KLHL29: variants seen among roughly 807,000 people sequenced by gnomAD.
KLHL29 encodes the protein kelch like family member 29.
A neutral mutation model predicts 80.4 loss-of-function variants in KLHL29; 21 were observed. The observed-to-expected ratio is 0.26, with a 90% CI of 0.19 to 0.38. The LOEUF (loss-of-function observed/expected upper bound fraction) is 0.38, where lower values mean the gene tolerates loss of function less well. Among genes scored for constraint, KLHL29 ranks in the 10% least tolerant of loss-of-function variants. The pLI is 1.00. For synonymous variants in KLHL29, 511 were observed against 526.8 expected (o/e 0.97, Z 0.41); for missense variants, 867 against 1,223.9 (o/e 0.71, Z 4.35).
chr2:23,526,420 C>T (rs1666320451), intron 2 of KLHL29, among the ~76,000 whole-genome samples: 1 of 152,246 alleles, frequency 6.6e-6, no homozygotes, highest in South Asian at 2.1e-4. Context: ...CGAGGAGGCA[C>T]GAGGCTGGTG....
chr2:23,637,785 G>A (rs948274280), intron 3 of KLHL29, among the ~76,000 whole-genome samples: 6 of 152,254 alleles, frequency 3.9e-5, no homozygotes, highest in African/African-American at 1.4e-4. Context: ...TCTCCCACCA[G>A]CTGGGTTCCT....
At chr2:23,470,092 G>A (rs916689485) in intron 1 of KLHL29, among the ~76,000 whole-genome samples, 1 of 151,868 alleles carries the variant, frequency 6.6e-6, no homozygotes, top group African/African-American at 2.4e-5. Context: ...GGTTTATGGT[G>A]GAGTCATGTC....
chr2:23,493,775 A>G (rs936235401), intron 2 of KLHL29, among the ~76,000 whole-genome samples: 2 of 152,188 alleles, frequency 1.3e-5, no homozygotes, highest in African/African-American at 4.8e-5. Flanking sequence ...CCATAGGGAC[A>G]GGAGACTTTT....
chr2:23,535,437 T>C (rs990779660), intron 2 of KLHL29, among the ~76,000 whole-genome samples: 4 of 152,264 alleles, frequency 2.6e-5, no homozygotes, highest in African/African-American at 9.6e-5. Flanking sequence ...CTAACAGATA[T>C]TTGTATACCC....
chr2:23,638,038 G>A (rs1249032536), intron 3 of KLHL29, among the ~76,000 whole-genome samples: 1 of 139,240 alleles, frequency 7.2e-6, no homozygotes, highest in African/African-American at 2.7e-5. Context: ...AACCTTGCCA[G>A]CATGTATCCA....
intron 3 of KLHL29, among the ~76,000 whole-genome samples, chr2:23,579,072 G>A (rs1315976678): frequency 6.6e-6 from 1 of 152,166 alleles, no homozygotes; most frequent in Non-Finnish European, 1.5e-5. Flanking sequence ...TGGTGGTTGT[G>A]GTTATGGTTG....
intron 3 of KLHL29, among the ~76,000 whole-genome samples, chr2:23,633,557 G>A (rs953795030): frequency 6.6e-6 from 1 of 151,824 alleles, no homozygotes; most frequent in African/African-American, 2.4e-5. Flanking sequence ...TTGTGCACAG[G>A]AATTCTGAGA....
chr2:23,642,408 G>T lies in KLHL29; in HGVS notation c.498G>T (p.Val166=). 6.7e-7 allele frequency: 1 copy of T among 1,483,548 alleles called. No individual in the cohort carries two copies. Among genetic ancestry groups the T allele is most frequent in the Non-Finnish European group, 9.0e-7 (1 of 1,110,810 alleles). 91.9% of individuals were successfully genotyped at this position (1,483,548 alleles called of 1,614,324 possible). A position where few individuals can be genotyped will look rare whatever the true frequency, so the allele number is the denominator to read the frequency against. ...CCCTGATTGCACACTCCTATGGAGTGGCCCAGCCTCCCACCTTCAGCCCGG... is the reference window on the plus strand; with the variant it reads ...CCCTGATTGCACACTCCTATGGAGTTGCCCAGCCTCCCACCTTCAGCCCGG... ...QPTLIAHSYG[V]AQPPTFSPAV... is the part of the protein sequence containing the mutation. The change falls in exon 5 of 14, where the codon GTG becomes GTT. Residue 166 remains valine, a synonymous_variant. Transcript: ENST00000486442.
chr2:23,521,557 A>G (rs1666104548), intron 2 of KLHL29, among the ~76,000 whole-genome samples: 1 of 151,922 alleles, frequency 6.6e-6, no homozygotes, highest in Non-Finnish European at 1.5e-5. Flanking sequence ...CCCAGTAGCC[A>G]CTCCTCTCTG....
intron 6 of KLHL29, among the ~76,000 whole-genome samples, chr2:23,688,089 C>A (rs961422427): frequency 6.6e-6 from 1 of 152,128 alleles, no homozygotes; most frequent in Non-Finnish European, 1.5e-5. Flanking sequence ...GTAGAGTGGA[C>A]AGGTGTGGCT....
intron 3 of KLHL29, among the ~76,000 whole-genome samples, chr2:23,597,905 G>C (rs988804985): frequency 6.6e-6 from 1 of 152,140 alleles, no homozygotes; most frequent in African/African-American, 2.4e-5. Flanking sequence ...CCTCTGGGCT[G>C]GTCCCCCTCA....
At chr2:23,525,584 G>A (rs1666278329) in intron 2 of KLHL29, among the ~76,000 whole-genome samples, 1 of 152,212 alleles carries the variant, frequency 6.6e-6, no homozygotes, top group African/African-American at 2.4e-5. Flanking sequence ...AGCTAAGGGG[G>A]AGGAGATGCA....
At chr2:23,693,224 G>A in intron 7 of KLHL29, 45 bp from the exon 8 acceptor site, 1 of 1,513,374 alleles carries the variant, frequency 6.6e-7, no homozygotes, top group Non-Finnish European at 8.9e-7. Flanking sequence ...GGTGGCAACT[G>A]CTTCCCGGGC....
At chr2:23,474,020 C>A (rs1422419012) in intron 1 of KLHL29, among the ~76,000 whole-genome samples, 3 of 152,182 alleles carry the variant, frequency 2.0e-5, no homozygotes, top group Non-Finnish European at 4.4e-5. Context: ...TTAAACTGCA[C>A]CACAGGCCCC....
At chr2:23,660,954 C>T (rs1379230947) in intron 5 of KLHL29, among the ~76,000 whole-genome samples, 1 of 152,102 alleles carries the variant, frequency 6.6e-6, no homozygotes, top group Non-Finnish European at 1.5e-5. Context: ...TCACTTGAAC[C>T]CGGGAGGTAG....
chr2:23,670,329 C>CT (rs1163082105), intron 5 of KLHL29: 10 of 152,234 alleles, frequency 6.6e-5, no homozygotes, highest in African/African-American at 2.2e-4. Flanking sequence ...CCTGTTGGTC[C>CT]TTTCTGGGAC....
intron 3 of KLHL29, among the ~76,000 whole-genome samples, chr2:23,613,657 G>A (rs571231415): frequency 8.1e-4 from 122 of 151,098 alleles, no homozygotes; most frequent in African/African-American, 2.8e-3. Flanking sequence ...CCAGCTACTC[G>A]GGAGGCTGAG....
chr2:23,653,038 C>T (rs1259768616), intron 5 of KLHL29, among the ~76,000 whole-genome samples: 1 of 152,164 alleles, frequency 6.6e-6, no homozygotes, highest in South Asian at 2.1e-4. Flanking sequence ...ATGCCCCAGC[C>T]GTGCACGCTG....
At chr2:23,599,835 C>G (rs1465377774) in intron 3 of KLHL29, among the ~76,000 whole-genome samples, 2 of 152,230 alleles carry the variant, frequency 1.3e-5, no homozygotes, top group Admixed American at 6.5e-5. Flanking sequence ...CGCCACGTCC[C>G]TCCTCCCGTG....
Sources: gnomAD v4.1 joint callset for allele counts (sites outside exome capture counted in the v4.1 genomes callset) on GRCh38, gnomAD v4.1.1 for gene constraint, MANE v1.5 for transcripts, NCBI Gene and HGNC (gene_info 2026-07-23, HGNC 2026-07-21) for gene names.